The following TMCO5A variants were observed in gnomAD, a reference collection of about 807,000 sequenced individuals.
TMCO5A encodes the protein transmembrane and coiled-coil domains 5A.
Under a neutral mutation model 42.3 loss-of-function variants are expected in TMCO5A, and 34 were observed. The observed-to-expected ratio is 0.80, with a 90% CI of 0.61 to 1.07. The LOEUF (loss-of-function observed/expected upper bound fraction) is 1.07. TMCO5A is among the 50% of genes least tolerant of loss of function. TMCO5A has a pLI of 0.00. For synonymous variants in TMCO5A, 131 were observed against 115.6 expected, an observed-to-expected ratio of 1.13 and a Z score of -0.86; for missense variants, 357 against 327.9, an observed-to-expected ratio of 1.09 and a Z score of -0.69.
chr15:37,968,861 G>A (rs756900049), downstream of TMCO5A, among the ~76,000 whole-genome samples: 6 of 152,058 alleles, frequency 3.9e-5, no homozygotes, highest in Non-Finnish European at 7.4e-5. Flanking sequence ...AATTACAGGC[G>A]TGAGCCACCG....
intron 11 of TMCO5A, among the ~76,000 whole-genome samples, chr15:37,958,339 T>C (rs142082691): frequency 0.016 from 2,438 of 151,858 alleles, 73 homozygotes; most frequent in African/African-American, 0.055. Context: ...GCAATCTATC[T>C]ATCTGACAAA....
the TMCO5A span, among the ~76,000 whole-genome samples, chr15:37,997,756 T>G: frequency 1.3e-5 from 2 of 152,190 alleles, no homozygotes; most frequent in African/African-American, 4.8e-5. Context: ...CATATGGTAT[T>G]TCTATTTTTA....
intron 11 of TMCO5A, among the ~76,000 whole-genome samples, chr15:37,949,366 AT>A (rs1419000602): frequency 6.6e-6 from 1 of 152,146 alleles, no homozygotes; most frequent in Admixed American, 6.6e-5. Context: ...TATACTCTAT[AT>A]GGAAGAATAA....
the TMCO5A span, among the ~76,000 whole-genome samples, chr15:37,974,653 T>C: frequency 2.0e-5 from 3 of 152,092 alleles, no homozygotes; most frequent in African/African-American, 4.8e-5. Context: ...TTTCTTTATT[T>C]GTCTAGCTAG....
intron 10 of TMCO5A, among the ~76,000 whole-genome samples, chr15:37,945,009 A>G (rs115335806): frequency 0.016 from 2,492 of 152,048 alleles, 78 homozygotes; most frequent in African/African-American, 0.057. Flanking sequence ...TATTCTTCCT[A>G]ATGCTCTCCC....
chr15:37,975,014 G>A, the TMCO5A span, among the ~76,000 whole-genome samples: 1 of 152,166 alleles, frequency 6.6e-6, no homozygotes, highest in African/African-American at 2.4e-5. Context: ...AGTTACTTAG[G>A]AGCAGGTTGT....
At chr15:38,003,964 G>A in the TMCO5A span, among the ~76,000 whole-genome samples, 2 of 152,026 alleles carry the variant, frequency 1.3e-5, no homozygotes, top group East Asian at 1.9e-4. Flanking sequence ...CTTTCCTTAA[G>A]CAAAAGGAGT....
the TMCO5A span, among the ~76,000 whole-genome samples, chr15:37,975,283 C>T: frequency 6.6e-6 from 1 of 152,010 alleles, no homozygotes; most frequent in Non-Finnish European, 1.5e-5. Flanking sequence ...AGTTCAGGTC[C>T]CAAATATCTT....
chr15:37,992,223 T>A, the TMCO5A span, among the ~76,000 whole-genome samples: 7 of 152,132 alleles, frequency 4.6e-5, no homozygotes, highest in African/African-American at 1.7e-4. Flanking sequence ...AAGACATACA[T>A]GCGGCCAACA....
At chr15:37,988,299 AC>A in the TMCO5A span, among the ~76,000 whole-genome samples, 1 of 152,000 alleles carries the variant, frequency 6.6e-6, no homozygotes, top group Non-Finnish European at 1.5e-5. Context: ...AAACAGAGAT[AC>A]TTTTACTTTT....
chr15:37,937,136 G>A (rs957144699), intron 4 of TMCO5A, among the ~76,000 whole-genome samples, 166 bp downstream of exon 4: 4 of 152,090 alleles, frequency 2.6e-5, no homozygotes, highest in African/African-American at 9.7e-5. Context: ...CTGGCTTCTT[G>A]GGCAATGTTT....
chr15:38,018,073 G>A, the TMCO5A span, among the ~76,000 whole-genome samples: 1 of 152,110 alleles, frequency 6.6e-6, no homozygotes, highest in Non-Finnish European at 1.5e-5. Flanking sequence ...TTCTTCATAA[G>A]TCACCCAGTC....
At chr15:37,966,341 C>A (rs532633791) in intron 11 of TMCO5A, among the ~76,000 whole-genome samples, 25 of 151,414 alleles carry the variant, frequency 1.7e-4, no homozygotes, top group Admixed American at 8.5e-4. Flanking sequence ...TGACTATCAT[C>A]GATAACAATT....
chr15:37,992,197 C>T, the TMCO5A span, among the ~76,000 whole-genome samples: 1 of 152,076 alleles, frequency 6.6e-6, no homozygotes, highest in Admixed American at 6.6e-5. Flanking sequence ...GACATGAACA[C>T]ACACTTTTTT....
intron 5 of TMCO5A, 137 bp from the exon 6 acceptor site, chr15:37,938,021 C>A: frequency 2.8e-6 from 2 of 720,134 alleles, no homozygotes; most frequent in Non-Finnish European, 4.7e-6. Context: ...GATGTTTCCA[C>A]AGGTCACCAA....
chr15:38,014,856 TATA>T, the TMCO5A span, among the ~76,000 whole-genome samples: 1 of 44,384 alleles, frequency 2.3e-5, no homozygotes, highest in African/African-American at 9.7e-5. Context: ...AGAAAGATTA[TATA>T]TATATATATA....
At chr15:37,995,200 G>T in the TMCO5A span, among the ~76,000 whole-genome samples, 1 of 152,170 alleles carries the variant, frequency 6.6e-6, no homozygotes, top group African/African-American at 2.4e-5. Flanking sequence ...GGACCTTTGT[G>T]CCAGCTACAA....
chr15:37,978,351 G>A, the TMCO5A span, among the ~76,000 whole-genome samples: 1 of 152,226 alleles, frequency 6.6e-6, no homozygotes, highest in East Asian at 1.9e-4. Context: ...GAGATTGTCA[G>A]TTGCCACTCA....
At chr15:37,963,349 T>C (rs1250645978) in intron 11 of TMCO5A, among the ~76,000 whole-genome samples, 2 of 152,172 alleles carry the variant, frequency 1.3e-5, no homozygotes, top group Admixed American at 6.6e-5. Flanking sequence ...TGTCCGTGTA[T>C]TTGCATGGTT....
Sources: allele counts gnomAD v4.1 joint callset (sites outside exome capture counted in the v4.1 genomes callset), GRCh38; gene constraint gnomAD v4.1.1; transcripts MANE v1.5; gene names NCBI Gene and HGNC (gene_info 2026-07-23, HGNC 2026-07-21).